Variants in PTPRD observed in about 807,000 individuals in gnomAD.
PTPRD encodes the protein receptor-type tyrosine-protein phosphatase delta.
PTPRD carries 34 observed loss-of-function variants against 214.5 expected under a neutral mutation model. The observed-to-expected ratio is 0.16, with a 90% CI of 0.12 to 0.21. The LOEUF (loss-of-function observed/expected upper bound fraction) is 0.21, where lower values mean the gene tolerates loss of function less well. Among genes scored for constraint, PTPRD ranks in the 10% least tolerant of loss-of-function variants. The pLI is 1.00. For missense variants in PTPRD, 2,545 were observed against 2,398.7 expected, an observed-to-expected ratio of 1.06 and a Z score of -1.27; for synonymous variants, 1,128 against 845.7, an observed-to-expected ratio of 1.33 and a Z score of -5.79.
chr9:8,926,098 C>T (rs763288491), intron 11 of PTPRD, among the ~76,000 whole-genome samples: 6 of 151,972 alleles, frequency 3.9e-5, no homozygotes, highest in African/African-American at 7.2e-5. Context: ...TAGTCATTCC[C>T]AAGCTTCTTG....
At chr9:9,817,643 T>C (rs2049200087) in intron 5 of PTPRD, among the ~76,000 whole-genome samples, 1 of 152,166 alleles carries the variant, frequency 6.6e-6, no homozygotes, top group African/African-American at 2.4e-5. Flanking sequence ...ATTTACATTA[T>C]TTTTGTCCAC....
At chr9:9,800,603 T>C (rs566590767) in intron 5 of PTPRD, 21 of 152,298 alleles carry the variant, frequency 1.4e-4, no homozygotes, top group East Asian at 1.4e-3. Context: ...GGAAGGATCA[T>C]TGTCTATAGA....
At chr9:10,403,505 T>G (rs2098310176) in intron 2 of PTPRD, among the ~76,000 whole-genome samples, 1 of 151,362 alleles carries the variant, frequency 6.6e-6, no homozygotes, top group African/African-American at 2.4e-5. Flanking sequence ...GGATGTGCAT[T>G]AACATGAACT....
At chr9:10,397,543 T>C (rs2098194156) in intron 2 of PTPRD, among the ~76,000 whole-genome samples, 1 of 152,032 alleles carries the variant, frequency 6.6e-6, no homozygotes, top group East Asian at 1.9e-4. Flanking sequence ...AGTCATGCAC[T>C]GACAACAAAC....
At chr9:8,473,077 C>T (rs2096687855) in intron 30 of PTPRD, among the ~76,000 whole-genome samples, 1 of 152,122 alleles carries the variant, frequency 6.6e-6, no homozygotes, top group African/African-American at 2.4e-5. Flanking sequence ...CTATCTTATT[C>T]AGTAAGACTG....
chr9:10,130,021 T>C (rs920004943), intron 3 of PTPRD, among the ~76,000 whole-genome samples: 1 of 151,618 alleles, frequency 6.6e-6, no homozygotes, highest in Non-Finnish European at 1.5e-5. Context: ...AATTTAAAAT[T>C]GGTGCACTGA....
At chr9:8,578,993 G>T (rs944668464) in intron 14 of PTPRD, among the ~76,000 whole-genome samples, 1 of 152,102 alleles carries the variant, frequency 6.6e-6, no homozygotes, top group African/African-American at 2.4e-5. Context: ...TATTTCAGAG[G>T]TGCTCTAGGA....
At chr9:8,499,287 A>C (rs1204927304) in intron 25 of PTPRD, among the ~76,000 whole-genome samples, 1 of 152,224 alleles carries the variant, frequency 6.6e-6, no homozygotes, top group East Asian at 1.9e-4. Context: ...AGCACAGAAG[A>C]AAGTAGACTC....
At chr9:8,986,640 C>T (rs181886607) in intron 11 of PTPRD, among the ~76,000 whole-genome samples, 193 of 152,120 alleles carry the variant, frequency 1.3e-3, no homozygotes, top group African/African-American at 4.5e-3. Context: ...ATTTAGCCCT[C>T]ATAAATAATT....
At chr9:8,759,109 C>A (rs1480290327) in intron 11 of PTPRD, among the ~76,000 whole-genome samples, 1 of 152,054 alleles carries the variant, frequency 6.6e-6, no homozygotes, top group Admixed American at 6.5e-5. Context: ...AGGCTCACTG[C>A]AGCCTCAATC....
intron 7 of PTPRD, among the ~76,000 whole-genome samples, chr9:9,693,179 G>T (rs1229484953): frequency 2.0e-5 from 3 of 151,076 alleles, no homozygotes; most frequent in East Asian, 1.9e-4. Context: ...GTAAAAGTGG[G>T]CATCCTTGTC....
At chr9:9,836,911 G>A (rs935330573) in intron 5 of PTPRD, among the ~76,000 whole-genome samples, 2 of 152,132 alleles carry the variant, frequency 1.3e-5, no homozygotes, top group African/African-American at 4.8e-5. Flanking sequence ...ATTATAACAT[G>A]ACTGTTATAC....
intron 11 of PTPRD, among the ~76,000 whole-genome samples, chr9:9,016,337 G>A (rs1455306923): frequency 6.6e-6 from 1 of 152,082 alleles, no homozygotes; most frequent in Non-Finnish European, 1.5e-5. Flanking sequence ...CATGGGCTGT[G>A]GAACAAGTTC....
chr9:10,484,414 A>C (rs2099119387), intron 2 of PTPRD, among the ~76,000 whole-genome samples: 1 of 152,010 alleles, frequency 6.6e-6, no homozygotes, highest in East Asian at 1.9e-4. Context: ...ATGTAACCAA[A>C]AACCACTTGC....
intron 5 of PTPRD, among the ~76,000 whole-genome samples, chr9:9,935,063 T>C (rs529575799): frequency 6.6e-6 from 1 of 152,142 alleles, no homozygotes; most frequent in African/African-American, 2.4e-5. Context: ...TAGGTATTGA[T>C]GGGATGTATT....
intron 11 of PTPRD, among the ~76,000 whole-genome samples, chr9:8,951,698 G>A (rs1216041189): frequency 6.6e-6 from 1 of 152,008 alleles, no homozygotes; most frequent in African/African-American, 2.4e-5. Context: ...AATCTTGTCT[G>A]ATTTACTTTC....
chr9:9,795,042 C>A (rs1478620765), intron 5 of PTPRD, among the ~76,000 whole-genome samples: 1 of 152,188 alleles, frequency 6.6e-6, no homozygotes, highest in South Asian at 2.1e-4. Context: ...CTGGCACAGG[C>A]CACTCCCAAG....
At position 10,199,151 on chromosome 9, in the gene PTPRD, A is replaced by G. The variant is rs143685242; in HGVS notation, c.-545+141812T>C. The stretch of plus-strand genomic sequence containing the variant: ...CTTAGGAGTGGATGCAGTACTCACA[A>G]TATGCTCTATTCGAACTGATTCTTA... On this transcript the variant is annotated intron_variant, in intron 3 of 45. Coordinates refer to ENST00000381196, the MANE Select transcript of PTPRD (RefSeq NM_002839.4). Among the ~76,000 whole-genome samples the G allele has an allele frequency of 5.3e-5, 8 of 152,088 alleles. No individual in the cohort carries two copies. In the East Asian group the frequency reaches 9.7e-4, roughly 18 times the overall value.
chr9:9,208,806 A>C (rs2099946604), intron 9 of PTPRD, among the ~76,000 whole-genome samples: 1 of 151,160 alleles, frequency 6.6e-6, no homozygotes, highest in Non-Finnish European at 1.5e-5. Context: ...AGACAATATA[A>C]CTCTTTTTTT....
Sources: gnomAD v4.1 joint callset for allele counts (sites outside exome capture counted in the v4.1 genomes callset) on GRCh38, gnomAD v4.1.1 for gene constraint, MANE v1.5 for transcripts, NCBI Gene and HGNC (gene_info 2026-07-23, HGNC 2026-07-21) for gene names.